Variants in TACC2 observed in about 807,000 individuals in gnomAD.
The protein encoded by TACC2 is transforming acidic coiled-coil-containing protein 2.
In TACC2, 137 loss-of-function variants were observed where a neutral mutation model predicts 227.3. That is an observed-to-expected ratio of 0.60 (90% CI 0.52 to 0.69). The LOEUF is 0.69. Among genes scored for constraint, TACC2 ranks in the 30% least tolerant of loss-of-function variants. The pLI, the probability that TACC2 is intolerant of heterozygous loss-of-function variation, is 0.00. For synonymous variants in TACC2, 1,523 were observed against 1,487.5 expected (o/e 1.02, Z -0.55); for missense variants, 3,470 against 3,694.4 (o/e 0.94, Z 1.57).
Position 122,087,237 on chromosome 10 carries a change from G to A in TACC2, c.4737G>A (p.Val1579=). The part of the protein sequence containing the change: ...LPVERAAAFQ[V]APHSHGEEAV... ...TGGAGAGAGCTGCTGCCTTCCAGGTGGCTCCCCATAGCCATGGAGAAGAGG... is the reference window on the plus strand; with the variant it reads ...TGGAGAGAGCTGCTGCCTTCCAGGTAGCTCCCCATAGCCATGGAGAAGAGG... Residue 1579 remains valine, a synonymous_variant, in exon 4 of 23, where the codon GTG becomes GTA. Coordinates refer to ENST00000369005, the MANE Select transcript of TACC2 (RefSeq NM_206862.4). The A allele has an allele frequency of 6.2e-7, 1 of 1,613,510 alleles. No homozygotes were observed. Among genetic ancestry groups the A allele is most frequent in the East Asian group, 2.2e-5 (1 of 44,884 alleles).
intron 7 of TACC2, among the ~76,000 whole-genome samples, chr10:122,167,662 G>GA (rs2093250326): frequency 6.6e-6 from 1 of 151,998 alleles, no homozygotes; most frequent in Non-Finnish European, 1.5e-5. Flanking sequence ...GAGCTGTAGA[G>GA]AAAATCCGAT....
At chr10:122,162,587 C>T (rs2092887182) in intron 7 of TACC2, among the ~76,000 whole-genome samples, 1 of 152,182 alleles carries the variant, frequency 6.6e-6, no homozygotes, top group Non-Finnish European at 1.5e-5. Context: ...CCCCAAACCT[C>T]CTGTACCTAT....
At chr10:122,183,572 G>A (rs1182281936) in intron 7 of TACC2, among the ~76,000 whole-genome samples, 1 of 152,146 alleles carries the variant, frequency 6.6e-6, no homozygotes, top group Non-Finnish European at 1.5e-5. Context: ...TGAGCGAAAG[G>A]GCCAAAAGAA....
intron 7 of TACC2, among the ~76,000 whole-genome samples, chr10:122,176,533 A>G (rs1211130944): frequency 6.6e-6 from 1 of 152,268 alleles, no homozygotes; most frequent in East Asian, 1.9e-4. Flanking sequence ...GCTCATCAAG[A>G]GTCGTAGCAT....
At chr10:122,109,053 GTTA>G (rs1037780334) in intron 5 of TACC2, among the ~76,000 whole-genome samples, 164 of 152,282 alleles carry the variant, frequency 1.1e-3, no homozygotes, top group African/African-American at 3.9e-3. Flanking sequence ...TTATCCACTT[GTTA>G]ATTGATGGGC....
intron 18 of TACC2, among the ~76,000 whole-genome samples, chr10:122,239,435 C>T (rs531103786): frequency 6.6e-6 from 1 of 152,340 alleles, no homozygotes; most frequent in South Asian, 2.1e-4. Context: ...TTCTCCTGTT[C>T]GTTCCTTCTT....
chr10:122,137,716 A>G (rs540623618), intron 6 of TACC2, among the ~76,000 whole-genome samples: 1 of 152,162 alleles, frequency 6.6e-6, no homozygotes, highest in Non-Finnish European at 1.5e-5. Flanking sequence ...CAACCCAGAT[A>G]TGCTGCCCTC....
rs2095091620 is a variant in TACC2, at chr10:122,205,978, G to A, written c.5972-4419G>A. Among the ~76,000 whole-genome samples the A allele has an allele frequency of 2.0e-5, 3 of 152,168 alleles. No individual in the cohort carries two copies. The South Asian group carries it at 6.2e-4, about 32-fold the overall frequency. On this transcript the variant is annotated intron_variant, in intron 8 of 22. Coordinates refer to ENST00000369005, the MANE Select transcript of TACC2 (RefSeq NM_206862.4). This position sits in a 1 kb window ranked among gnomAD's most constrained non-coding sequence, Gnocchi z 4.5. The stretch of plus-strand genomic sequence containing the variant: ...ATACAAAGCCATGCTCTCTGTGTAG[G>A]AGACCATCTACCCGTGATGCGGCAG...
intron 3 of TACC2, among the ~76,000 whole-genome samples, chr10:122,081,276 T>G (rs571786655): frequency 6.6e-6 from 1 of 151,706 alleles, no homozygotes; most frequent in East Asian, 1.9e-4. Flanking sequence ...TCCCAGCACT[T>G]TGGGAGGCTG....
chr10:122,212,258 C>T (rs969919546), intron 9 of TACC2, among the ~76,000 whole-genome samples: 51 of 152,246 alleles, frequency 3.3e-4, no homozygotes, highest in Non-Finnish European at 2.9e-5. Flanking sequence ...AAGAAACACC[C>T]TTCTTTGTCT....
intron 7 of TACC2, among the ~76,000 whole-genome samples, chr10:122,147,459 C>A (rs1189643428): frequency 5.9e-5 from 9 of 152,158 alleles, no homozygotes; most frequent in East Asian, 1.9e-4. Context: ...TCCTTTTTTT[C>A]CCCCATTTCA....
At chr10:122,005,757 G>A (rs1323899470) in intron 1 of TACC2, among the ~76,000 whole-genome samples, 2 of 142,816 alleles carry the variant, frequency 1.4e-5, no homozygotes, top group South Asian at 2.3e-4. Flanking sequence ...GCAATAGCAC[G>A]ACCTTGGCTT....
chr10:121,989,667 A>G (rs1234136197), intron 1 of TACC2, among the ~76,000 whole-genome samples, 179 bp downstream of exon 1: 1 of 152,146 alleles, frequency 6.6e-6, no homozygotes, highest in Non-Finnish European at 1.5e-5. Flanking sequence ...ATTTTCATCT[A>G]CTGTGCTAGG....
chr10:122,253,068 C>G (rs1417160578), intron 22 of TACC2, among the ~76,000 whole-genome samples: 4 of 152,176 alleles, frequency 2.6e-5, no homozygotes, highest in Non-Finnish European at 4.4e-5. Flanking sequence ...ACAGAGGGCA[C>G]GTGGCTCTGG....
In TACC2 at chr10:122,210,419, T is replaced by G; in HGVS notation, c.5994T>G (p.Pro1998=). 6.2e-7 allele frequency: 1 copy of G among 1,614,088 alleles called. No homozygotes were observed. Among genetic ancestry groups the G allele is most frequent in the Non-Finnish European group, 8.5e-7 (1 of 1,179,976 alleles). Residue 1998 remains proline (P), a synonymous_variant, in exon 9 of 23, where the codon CCT becomes CCG. Coordinates refer to ENST00000369005, the MANE Select transcript of TACC2 (RefSeq NM_206862.4). This position sits in a 1 kb window ranked among gnomAD's most constrained non-coding sequence, Gnocchi z 4.6. The part of the protein sequence containing the change: ...EEPGCGSETV[P]VPDGPRSDSV... ...CAGGATGTGGTTCTGAGACAGTCCCTGTCCCTGATGGCCCACGGAGCGACT... is the reference window on the plus strand; with the variant it reads ...CAGGATGTGGTTCTGAGACAGTCCCGGTCCCTGATGGCCCACGGAGCGACT...
At chr10:122,061,311 G>A (rs1259214287) in intron 3 of TACC2, among the ~76,000 whole-genome samples, 1 of 147,722 alleles carries the variant, frequency 6.8e-6, no homozygotes, top group Non-Finnish European at 1.5e-5. Context: ...AAAAAAGGAG[G>A]GAGAAAAGAA....
chr10:122,144,663 A>C (rs1227279243), intron 7 of TACC2, among the ~76,000 whole-genome samples: 1 of 152,200 alleles, frequency 6.6e-6, no homozygotes, highest in Non-Finnish European at 1.5e-5. Context: ...AGAGGAAGGG[A>C]ACATCACCAC....
intron 16 of TACC2, among the ~76,000 whole-genome samples, chr10:122,233,780 TG>T (rs2095804342): frequency 6.6e-6 from 1 of 152,252 alleles, no homozygotes; most frequent in Admixed American, 6.5e-5. Context: ...CTGGAGGCTG[TG>T]TCTTGACTCG....
In TACC2 at chr10:122,238,101, C is replaced by T. The variant is rs143877924; in HGVS notation, c.8348+64C>T. The T allele has an allele frequency of 4.3e-4, 577 of 1,338,272 alleles. 7 individuals carry two copies. In the East Asian group the frequency reaches 0.011, roughly 25 times the overall value. The allele number at this position is 1,338,272 out of a possible 1,614,324, so 82.9% of individuals were successfully genotyped here. ...TACTTACCTGTGGTTTAATAATGAC[C>T]GGAGCTGGTGTGGTCCACAGAAGAG... On this transcript the variant is annotated intron_variant, in intron 18 of 22. Transcript: ENST00000369005.
Sources: gnomAD v4.1 joint callset for allele counts (sites outside exome capture counted in the v4.1 genomes callset) on GRCh38, gnomAD v4.1.1 for gene constraint, Gnocchi (gnomAD v3.1) non-coding constraint, MANE v1.5 for transcripts, NCBI Gene and HGNC (gene_info 2026-07-23, HGNC 2026-07-21) for gene names.